The following PRPH2 variants were observed in gnomAD, a reference collection of about 807,000 sequenced individuals.
PRPH2 encodes the protein peripherin-2.
PRPH2 carries 17 observed loss-of-function variants against 31.3 expected under a neutral mutation model. The ratio of observed to expected loss-of-function variants is 0.54; its 90% confidence interval spans 0.37 to 0.81. The LOEUF (loss-of-function observed/expected upper bound fraction) is 0.81, where lower values mean the gene tolerates loss of function less well. PRPH2 is among the 40% of genes least tolerant of loss of function. The pLI is 0.00. For synonymous variants in PRPH2, 165 were observed against 184.4 expected (o/e 0.89, Z 0.85); for missense variants, 430 against 439.7 (o/e 0.98, Z 0.20).
Position 42,697,105 on chromosome 6 carries a change from G to T in PRPH2, c.*1190C>A, listed in dbSNP as rs928110766. On this transcript the variant is annotated 3_prime_UTR_variant, in exon 3 of 3. Coordinates refer to ENST00000230381, the MANE Select transcript of PRPH2 (RefSeq NM_000322.5). ...CATCCAACTGGAGGAATTATGCTGG[G>T]CCCTGCCTTGGTCTGGTCACCAGGG... 6.6e-6 allele frequency: 1 copy of T among 152,012 alleles called. No homozygotes were observed. Among genetic ancestry groups the T allele is most frequent in the Admixed American group, 6.6e-5 (1 of 15,254 alleles). The allele number at this position is 152,012 out of a possible 1,614,324, so 9.4% of individuals were successfully genotyped here. A position where few individuals can be genotyped will look rare whatever the true frequency, so the allele number is the denominator to read the frequency against.
intron 1 of PRPH2, 124 bp downstream of exon 1, chr6:42,721,630 A>G: frequency 1.8e-6 from 2 of 1,118,322 alleles, no homozygotes; most frequent in East Asian, 4.7e-5. Flanking sequence ...ATACGCAGCA[A>G]TAAGTTGTGC....
chr6:42,716,283 G>A (rs1489756454), intron 1 of PRPH2, among the ~76,000 whole-genome samples: 2 of 152,086 alleles, frequency 1.3e-5, no homozygotes, highest in African/African-American at 4.8e-5. Flanking sequence ...AATTCTGCCT[G>A]GCATGGTGGT....
intron 1 of PRPH2, among the ~76,000 whole-genome samples, chr6:42,720,783 G>A (rs1051873674): frequency 1.3e-5 from 2 of 152,180 alleles, no homozygotes; most frequent in Non-Finnish European, 2.9e-5. Flanking sequence ...GAAAGAAGAG[G>A]TGAGGGAAAG....
In PRPH2 at chr6:42,710,561, G is replaced by A. The variant is rs139650764; in HGVS notation, c.582-5950C>T. ...AAGACAAAGCCAGGCAGAGGAGAGC[G>A]CCTTAGTGGTGAGCCGGCTATTTAT... On this transcript the variant is annotated intron_variant, in intron 1 of 2. Transcript: ENST00000230381. 9.2e-3 allele frequency among the ~76,000 whole-genome samples: 1,397 copies of A among 152,244 alleles called. 25 individuals carry two copies. The highest frequency in any genetic ancestry group is 0.032 in the African/African-American group (1,335 of 41,516).
intron 1 of PRPH2, among the ~76,000 whole-genome samples, chr6:42,716,612 GTTTTTT>G (rs145765747): frequency 9.0e-6 from 1 of 111,570 alleles, no homozygotes; most frequent in Non-Finnish European, 1.8e-5. Flanking sequence ...GGTTTGGTTG[GTTTTTT>G]TTTTTTTTTT....
rs796728977 is a variant in PRPH2, at chr6:42,708,879, C to T, written c.582-4268G>A. Among the ~76,000 whole-genome samples the T allele has an allele frequency of 6.9e-4, 105 of 152,302 alleles. 1 individual carries two copies. Among genetic ancestry groups the T allele is most frequent in the African/African-American group, 2.1e-3 (87 of 41,566 alleles). ...GATATAAATGAGACAATTCGAGTCACGCATTTGACACAGGCTGGACATGCT... is the reference window on the plus strand; with the variant it reads ...GATATAAATGAGACAATTCGAGTCATGCATTTGACACAGGCTGGACATGCT... On this transcript the variant is annotated intron_variant, in intron 1 of 2. Coordinates refer to ENST00000230381, the MANE Select transcript of PRPH2 (RefSeq NM_000322.5).
chr6:42,704,104 T>TA (rs58317577), intron 2 of PRPH2, among the ~76,000 whole-genome samples: 21 of 140,732 alleles, frequency 1.5e-4, no homozygotes, highest in East Asian at 1.2e-3. Context: ...AGCCTCAAAA[T>TA]AAAAAAAAAA....
In PRPH2 at chr6:42,698,414, G is replaced by C; in HGVS notation, c.922C>G (p.Leu308Val). The C allele has an allele frequency of 6.2e-7, 1 of 1,613,868 alleles. No homozygotes were observed. Among genetic ancestry groups the C allele is most frequent in the Non-Finnish European group, 8.5e-7 (1 of 1,179,784 alleles). ...CAGGTCTCCGGCACGCTCCTCTCCA[G>C]CAGCCAGCCCTGGCTCTCGCTCTCA... ...ESESESQGWL[L>V]ERSVPETWKA... The change falls in exon 3 of 3, where the codon CTG becomes GTG. Residue 308 changes from leucine to valine, a missense_variant. Physicochemically the swap from Leu to Val is conservative, Grantham distance 32. Transcript: ENST00000230381.
At position 42,698,006 on chromosome 6, in the gene PRPH2, C is replaced by T; in HGVS notation, c.*289G>A. The T allele has an allele frequency of 2.2e-6, 1 of 457,370 alleles. No homozygotes were observed. The highest frequency in any genetic ancestry group is 2.3e-5 in the South Asian group (1 of 44,360). 28.3% of individuals were successfully genotyped at this position (457,370 alleles called of 1,614,324 possible). On this transcript the variant is annotated 3_prime_UTR_variant, in exon 3 of 3. Transcript: ENST00000230381. Reference sequence around the variant, plus strand: ...GAAAGATGGGTCCTGGGCTAGTCGTCTGAGACAGCCCCCGAGTCACCAGGA... The same window carrying T: ...GAAAGATGGGTCCTGGGCTAGTCGTTTGAGACAGCCCCCGAGTCACCAGGA...
intron 2 of PRPH2, among the ~76,000 whole-genome samples, chr6:42,698,750 C>T (rs1337783601): frequency 3.9e-5 from 6 of 152,130 alleles, no homozygotes; most frequent in African/African-American, 1.2e-4. Context: ...TGGGCTGCTT[C>T]GGATTCGCCC....
intron 2 of PRPH2, among the ~76,000 whole-genome samples, chr6:42,699,550 G>T (rs929462770): frequency 5.3e-5 from 8 of 152,284 alleles, no homozygotes; most frequent in Middle Eastern, 3.4e-3. Context: ...CAGATGAAGT[G>T]GTGCCCACCC....
intron 2 of PRPH2, 40 bp from the exon 3 acceptor site, chr6:42,698,547 A>G (rs758513237): frequency 6.2e-7 from 1 of 1,612,700 alleles, no homozygotes; most frequent in Non-Finnish European, 8.5e-7. Context: ...ATCTGGGAGA[A>G]TCGCTGGGAG....
intron 1 of PRPH2, among the ~76,000 whole-genome samples, chr6:42,705,574 TAAAA>T (rs1186158334): frequency 9.5e-4 from 21 of 22,202 alleles, no homozygotes; most frequent in Non-Finnish European, 1.2e-3. Flanking sequence ...AGACTTTCTC[TAAAA>T]AAAAAAAAAA....
rs1799967822 is a variant in PRPH2 at position 42,697,501 on chromosome 6, T to C, written c.*794A>G. 1 of 152,320 alleles carries C rather than the reference T, an allele frequency of 6.6e-6. No individual in the cohort carries two copies. The highest frequency in any genetic ancestry group is 2.4e-5 in the African/African-American group (1 of 41,424). The allele number at this position is 152,320 out of a possible 1,614,324, so 9.4% of individuals were successfully genotyped here. On this transcript the variant is annotated 3_prime_UTR_variant, in exon 3 of 3. Coordinates refer to ENST00000230381, the MANE Select transcript of PRPH2 (RefSeq NM_000322.5). Reference sequence around the variant, plus strand: ...CAGCCTACCCCACTGCTTCCACCGATGAGCCACAGGAGATCACCTGGCACT... The same window carrying C: ...CAGCCTACCCCACTGCTTCCACCGACGAGCCACAGGAGATCACCTGGCACT...
intron 2 of PRPH2, among the ~76,000 whole-genome samples, chr6:42,703,974 G>A (rs1337867913): frequency 6.6e-6 from 1 of 151,940 alleles, no homozygotes; most frequent in Non-Finnish European, 1.5e-5. Flanking sequence ...GGTGGCACAT[G>A]CCTGTAGTCC....
intron 1 of PRPH2, among the ~76,000 whole-genome samples, chr6:42,713,919 CAAAAAAAAAA>C (rs55805454): frequency 1.3e-3 from 48 of 38,132 alleles, no homozygotes; most frequent in African/African-American, 4.3e-3. Context: ...GACTCCATCT[CAAAAAAAAAA>C]AAAAAAAAAA....
rs1377914950 is a variant in PRPH2 at position 42,704,398 on chromosome 6, C to T, written c.795G>A (p.Met265Ile). Residue 265 changes from methionine to isoleucine, a missense_variant, in exon 2 of 3, where the codon ATG becomes ATA. Physicochemically the swap from Met to Ile is conservative, Grantham distance 10. Transcript: ENST00000230381. ...GCCAAATGAGGAGCGTGACGACACC[C>T]ATGGAGTTCATGAGGCTGCTGTAGT... ...LSYYSSLMNSMGVVTLLIWLF... is the reference protein window; with the variant it reads ...LSYYSSLMNSIGVVTLLIWLF... The T allele has an allele frequency of 6.2e-7, 1 of 1,609,820 alleles. No homozygotes were observed. The highest frequency in any genetic ancestry group is 1.1e-5 in the South Asian group (1 of 90,296).
At chr6:42,709,550 C>A (rs1800237108) in intron 1 of PRPH2, among the ~76,000 whole-genome samples, 2 of 152,078 alleles carry the variant, frequency 1.3e-5, no homozygotes, top group South Asian at 4.1e-4. Flanking sequence ...GATCTTATGG[C>A]CTAGAGGGTT....
chr6:42,711,844 G>A, intron 1 of PRPH2: 1 of 985,386 alleles, frequency 1.0e-6, no homozygotes, highest in South Asian at 4.7e-5. Context: ...CCCAGGCTGG[G>A]CCTTCCTGGC....
Sources: gnomAD v4.1 joint callset for allele counts (sites outside exome capture counted in the v4.1 genomes callset) on GRCh38, gnomAD v4.1.1 for gene constraint, MANE v1.5 for transcripts, NCBI Gene and HGNC (gene_info 2026-07-23, HGNC 2026-07-21) for gene names.